Variants in SCN10A observed in about 807,000 individuals in gnomAD.
SCN10A encodes the protein sodium channel protein type 10 subunit alpha.
SCN10A carries 162 observed loss-of-function variants against 170.7 expected under a neutral mutation model. The observed-to-expected ratio is 0.95, with a 90% CI of 0.84 to 1.08. The LOEUF (loss-of-function observed/expected upper bound fraction) is 1.08, where lower values mean the gene tolerates loss of function less well. SCN10A is among the 50% of genes least tolerant of loss of function. The pLI is 0.00. For missense variants in SCN10A, 2,527 were observed against 2,436.9 expected, an observed-to-expected ratio of 1.04 and a Z score of -0.78; for synonymous variants, 985 against 904.6, an observed-to-expected ratio of 1.09 and a Z score of -1.59.
chr3:38,698,549 A>C lies in SCN10A; in HGVS notation c.4671T>G (p.Ser1557=), dbSNP rs2063123613. ...AACTTTGAAGTGACTTAAGAATTGC[A>C]GAAAAAATCAGGCCTTTAAAAGAAG... ...VVLSIASLIF[S]AILKSLQSYF... The change falls in exon 28 of 28, where the codon TCT becomes TCG. Residue 1557 remains serine (S), a synonymous_variant. Coordinates refer to ENST00000449082, the MANE Select transcript of SCN10A (RefSeq NM_006514.4). 1 of 1,609,918 alleles carries C rather than the reference A, an allele frequency of 6.2e-7. No homozygotes were observed. The highest frequency in any genetic ancestry group is 1.3e-5 in the African/African-American group (1 of 74,738).
chr3:38,771,459 G>A (rs1259251096), intron 4 of SCN10A, 52 bp from the exon 5 acceptor site: 11 of 1,595,962 alleles, frequency 6.9e-6, no homozygotes, highest in Non-Finnish European at 4.3e-6. Flanking sequence ...AGTGTACTCA[G>A]GGGGTTCCTT....
chr3:38,790,647 C>T (rs1325395885), intron 3 of SCN10A, among the ~76,000 whole-genome samples: 1 of 151,904 alleles, frequency 6.6e-6, no homozygotes, highest in Non-Finnish European at 1.5e-5. Context: ...AATAATTACC[C>T]TGATTACTTT....
chr3:38,771,262 C>CA lies in SCN10A; in HGVS notation c.599+16dup. 1 of 1,612,946 alleles carries CA rather than the reference C, an allele frequency of 6.2e-7. No individual in the cohort carries two copies. The highest frequency in any genetic ancestry group is 8.5e-7 in the Non-Finnish European group (1 of 1,179,378). ...CTCTCCTATCACACATGCAGATCTG[C>CA]ATAGAGATATACTCACGCCAGGGTA... is the stretch of plus-strand genomic sequence containing the variant. On this transcript the variant is annotated intron_variant, in intron 5 of 27. Transcript: ENST00000449082.
intron 1 of SCN10A, among the ~76,000 whole-genome samples, chr3:38,815,565 C>T (rs933078858): frequency 1.3e-5 from 2 of 152,342 alleles, no homozygotes; most frequent in African/African-American, 2.4e-5. Context: ...CTTGCTGAAG[C>T]TGTGTATCAC....
chr3:38,799,352 G>A (rs904277912), intron 1 of SCN10A, among the ~76,000 whole-genome samples: 1 of 152,178 alleles, frequency 6.6e-6, no homozygotes, highest in Non-Finnish European at 1.5e-5. Context: ...CCTTCAGAGA[G>A]GACTGTCTAA....
At chr3:38,710,795 G>A (rs1300236062) in intron 24 of SCN10A, 49 bp downstream of exon 24, 1 of 1,555,810 alleles carries the variant, frequency 6.4e-7, no homozygotes, top group African/African-American at 1.4e-5. Flanking sequence ...ACTGATATGG[G>A]TAGAATGCAC....
At chr3:38,751,970 G>A (rs754728500) in intron 12 of SCN10A, among the ~76,000 whole-genome samples, 12 of 152,088 alleles carry the variant, frequency 7.9e-5, no homozygotes, top group Non-Finnish European at 1.6e-4. Context: ...AAGAAATATG[G>A]GGTCAAATGG....
chr3:38,802,998 C>T (rs921571591), intron 1 of SCN10A, among the ~76,000 whole-genome samples: 3 of 152,174 alleles, frequency 2.0e-5, no homozygotes, highest in African/African-American at 7.2e-5. Context: ...AGGATATGAA[C>T]AGATACTTCT....
rs142203439 is a variant in SCN10A, at chr3:38,771,336, T to G, written c.542A>C (p.Glu181Ala). 70 of 1,614,152 alleles carry G rather than the reference T, an allele frequency of 4.3e-5. No individual in the cohort carries two copies. In the African/African-American group the frequency reaches 7.6e-4, roughly 18 times the overall value. ...KILARGFCLNEFTYLRDPWNW... is the reference protein window; with the variant it reads ...KILARGFCLNAFTYLRDPWNW... The stretch of plus-strand genomic sequence containing the variant: ...CCAAGGATCTCTCAGGTACGTGAAC[T>G]CATTTAGACAAAATCCTCTTGCCAG... Residue 181 changes from glutamate to alanine, a missense_variant, in exon 5 of 28, where the codon GAG (glutamate) becomes GCG (alanine). Coordinates refer to ENST00000449082, the MANE Select transcript of SCN10A (RefSeq NM_006514.4).
intron 1 of SCN10A, among the ~76,000 whole-genome samples, chr3:38,808,469 G>C (rs2064419948): frequency 6.6e-6 from 1 of 152,170 alleles, no homozygotes; most frequent in Non-Finnish European, 1.5e-5. Flanking sequence ...TAGAAAGTAA[G>C]CTTCCTGAGC....
chr3:38,790,683 CTGCTCTACGCAGGA>C (rs1057361560), intron 3 of SCN10A, among the ~76,000 whole-genome samples: 3 of 152,184 alleles, frequency 2.0e-5, no homozygotes, highest in Middle Eastern at 3.4e-3. Context: ...ACTGTAGATA[CTGCTCTACGCAGGA>C]TGCAGGCTGG....
rs143610297 is a variant in SCN10A at position 38,723,527 on chromosome 3, C to G, written c.3255G>C (p.Glu1085Asp). 3 of 1,606,606 alleles carry G rather than the reference C, an allele frequency of 1.9e-6. No individual in the cohort carries two copies. Among genetic ancestry groups the G allele is most frequent in the South Asian group, 2.2e-5 (2 of 90,122 alleles). The change falls in exon 19 of 28, where the codon GAG (glutamate) becomes GAC (aspartate). Residue 1085 changes from glutamate (E) to aspartate (D), a missense_variant. By Grantham distance (45) the Glu-to-Asp change is conservative (BLOSUM62 2). Coordinates refer to ENST00000449082, the MANE Select transcript of SCN10A (RefSeq NM_006514.4). ...AEGVDDTSSS[E>D]GSTVDCLDPE... ...GATCTAGGCAGTCCACCGTGCTGCC[C>G]TCAGAGGAGCTTGTGTCGTCCACTC...
At chr3:38,711,489 TC>T (rs2063273725) in intron 23 of SCN10A, among the ~76,000 whole-genome samples, 3 of 152,222 alleles carry the variant, frequency 2.0e-5, no homozygotes, top group Admixed American at 2.0e-4. Context: ...TCATACAGCA[TC>T]AGTGTCCAAG....
chr3:38,785,212 C>T (rs111582470), intron 4 of SCN10A, among the ~76,000 whole-genome samples: 2 of 152,248 alleles, frequency 1.3e-5, no homozygotes, highest in African/African-American at 2.4e-5. Flanking sequence ...GGAGGCATCA[C>T]GCTACCTGAC....
chr3:38,733,972 C>T (rs529879143), intron 15 of SCN10A, among the ~76,000 whole-genome samples: 12 of 151,822 alleles, frequency 7.9e-5, no homozygotes, highest in African/African-American at 1.4e-4. Context: ...CGCCTGCCTG[C>T]GCCTCCAACA....
Position 38,763,584 on chromosome 3 carries a change from T to C in SCN10A, c.612A>G (p.Thr204=), listed in dbSNP as rs565457429. The change falls in exon 6 of 28, where the codon ACA becomes ACG. Residue 204 remains threonine (T), a synonymous_variant. Coordinates refer to ENST00000449082, the MANE Select transcript of SCN10A (RefSeq NM_006514.4). ...FSVITLAYVG[T]AIDLRGISGL... is the part of the protein sequence containing the mutation. ...CTGAGATCCCACGGAGATCTATTGC[T>C]GTGCCAACATATCTGTAGGACCAGA... The C allele has an allele frequency of 5.0e-6, 8 of 1,613,840 alleles. No homozygotes were observed. The East Asian group carries it at 1.1e-4, about 22-fold the overall frequency.
intron 18 of SCN10A, among the ~76,000 whole-genome samples, 187 bp from the exon 19 acceptor site, chr3:38,723,740 T>C (rs891421645): frequency 1.3e-4 from 20 of 152,216 alleles, no homozygotes; most frequent in African/African-American, 4.6e-4. Flanking sequence ...GGGCCCCTGA[T>C]GGAGTGCTGG....
intron 4 of SCN10A, among the ~76,000 whole-genome samples, chr3:38,778,099 T>C (rs974836629): frequency 6.6e-6 from 1 of 152,066 alleles, no homozygotes; most frequent in Non-Finnish European, 1.5e-5. Flanking sequence ...ATGATAACAG[T>C]TCCATAAATT....
At position 38,740,565 on chromosome 3, in the gene SCN10A, G is replaced by C. The variant is rs552623477; in HGVS notation, c.2107-877C>G. 9.9e-5 allele frequency among the ~76,000 whole-genome samples: 15 copies of C among 152,234 alleles called. No individual in the cohort carries two copies. The East Asian group carries it at 1.4e-3, about 14-fold the overall frequency. ...TGTAGGCAAGTCAGTGTGGTGTGGT[G>C]GGGGGTAGGGTTGAGGTCTTGTGTC... On this transcript the variant is annotated intron_variant, in intron 14 of 27. Transcript: ENST00000449082.
Sources: gnomAD v4.1 joint callset for allele counts (sites outside exome capture counted in the v4.1 genomes callset) on GRCh38, gnomAD v4.1.1 for gene constraint, MANE v1.5 for transcripts, NCBI Gene and HGNC (gene_info 2026-07-23, HGNC 2026-07-21) for gene names.